UGT1A10: variants seen among roughly 807,000 people sequenced by gnomAD.
UGT1A10 encodes the protein UDP-glucuronosyltransferase 1A10.
A neutral mutation model predicts 45.8 loss-of-function variants in UGT1A10; 49 were observed. That is an observed-to-expected ratio of 1.07 (90% CI 0.85 to 1.36). The LOEUF (loss-of-function observed/expected upper bound fraction) is 1.36, where lower values mean the gene tolerates loss of function less well. UGT1A10 is among the 40% of genes most tolerant of loss of function. The pLI is 0.00. For missense variants in UGT1A10, 745 were observed against 668.6 expected, an observed-to-expected ratio of 1.11 and a Z score of -1.26; for synonymous variants, 284 against 249.7, an observed-to-expected ratio of 1.14 and a Z score of -1.29.
intron 1 of UGT1A10, chr2:233,722,095 C>CCTG: frequency 9.6e-6 from 2 of 207,736 alleles, no homozygotes; most frequent in South Asian, 8.3e-5. Context: ...CACCTTAGGC[C>CCTG]TCTTAGAGGA....
At position 233,679,633 on chromosome 2, in the gene UGT1A10, C is replaced by G. The variant is rs145588632; in HGVS notation, c.855+42256C>G. On this transcript the variant is annotated intron_variant, in intron 1 of 4. Coordinates refer to ENST00000344644, the MANE Select transcript of UGT1A10 (RefSeq NM_019075.4). Reference sequence around the variant, plus strand: ...CCTGTTCAGGCAGATATCCTTTGTCCTCAATGCTTTTCTTCATGGCATCTG... The same window carrying G: ...CCTGTTCAGGCAGATATCCTTTGTCGTCAATGCTTTTCTTCATGGCATCTG... Among the ~76,000 whole-genome samples, 3 of 152,182 alleles carry G rather than the reference C, an allele frequency of 2.0e-5. No individual in the cohort carries two copies. In the East Asian group the frequency reaches 5.8e-4, roughly 29 times the overall value.
At chr2:233,637,668 G>GT (rs2073335722) in intron 1 of UGT1A10, among the ~76,000 whole-genome samples, 1 of 152,012 alleles carries the variant, frequency 6.6e-6, no homozygotes, top group African/African-American at 2.4e-5. Context: ...TGAAACTTCC[G>GT]TTTTTTGTTA....
At chr2:233,691,686 GC>G in intron 1 of UGT1A10, 1 of 955,316 alleles carries the variant, frequency 1.0e-6, no homozygotes, top group Non-Finnish European at 1.2e-6. Context: ...GAAACCTGAA[GC>G]TCAGGAGAGG....
chr2:233,770,570 A>G (rs1700111359), intron 4 of UGT1A10: 2 of 152,086 alleles, frequency 1.3e-5, no homozygotes. Context: ...AGGCAGGAAA[A>G]TCACTTGAAC....
chr2:233,735,495 A>G (rs1383216559), intron 1 of UGT1A10, among the ~76,000 whole-genome samples: 1 of 152,188 alleles, frequency 6.6e-6, no homozygotes, highest in Non-Finnish European at 1.5e-5. Context: ...TAATTGCAGC[A>G]TTTAGCCCAT....
chr2:233,659,392 A>G (rs1213856587), intron 1 of UGT1A10, among the ~76,000 whole-genome samples: 3 of 152,232 alleles, frequency 2.0e-5, no homozygotes, highest in Admixed American at 2.0e-4. Flanking sequence ...TTTATGTGTT[A>G]TATACTGTAT....
intron 1 of UGT1A10, chr2:233,721,797 A>G (rs7597496): frequency 0.51 from 260,053 of 511,456 alleles, 70,587 homozygotes; most frequent in African/African-American, 0.82. Context: ...TTTAAAGCAC[A>G]TGCAGCAAAA....
intron 1 of UGT1A10, among the ~76,000 whole-genome samples, chr2:233,711,052 G>T (rs1263121953): frequency 6.6e-6 from 1 of 152,152 alleles, no homozygotes; most frequent in African/African-American, 2.4e-5. Flanking sequence ...GACACCCATG[G>T]CTTCAATCAC....
intron 1 of UGT1A10, among the ~76,000 whole-genome samples, chr2:233,696,821 G>A (rs2075360354): frequency 6.6e-6 from 1 of 152,138 alleles, no homozygotes; most frequent in Admixed American, 6.5e-5. Flanking sequence ...TTTATTGAGA[G>A]TGTGTATCAT....
At chr2:233,687,583 T>TAAAAAAAAAAAAAAAAAAAA in intron 1 of UGT1A10, among the ~76,000 whole-genome samples, 1 of 107,472 alleles carries the variant, frequency 9.3e-6, no homozygotes, top group Non-Finnish European at 1.9e-5. Context: ...ACATTCTTTG[T>TAAAAAAAAAAAAAAAAAAAA]AAAAAAAAAA....
intron 1 of UGT1A10, chr2:233,692,753 T>C: frequency 8.8e-7 from 1 of 1,135,016 alleles, no homozygotes; most frequent in African/African-American, 1.6e-5. Flanking sequence ...AGCAGACTTG[T>C]GGAGCTGAAG....
intron 1 of UGT1A10, among the ~76,000 whole-genome samples, chr2:233,644,771 CT>C (rs967230937): frequency 5.4e-4 from 81 of 149,748 alleles, no homozygotes; most frequent in African/African-American, 1.1e-3. Context: ...AGATGCAGAA[CT>C]TTTTTTTTTC....
intron 1 of UGT1A10, among the ~76,000 whole-genome samples, chr2:233,687,869 C>T (rs17863781): frequency 6.6e-6 from 1 of 152,188 alleles, no homozygotes; most frequent in African/African-American, 2.4e-5. Context: ...GACTATTCCA[C>T]TCCACTCCAG....
intron 1 of UGT1A10, among the ~76,000 whole-genome samples, chr2:233,699,850 C>G (rs1217397789): frequency 6.6e-6 from 1 of 152,144 alleles, no homozygotes; most frequent in Non-Finnish European, 1.5e-5. Context: ...TCCCCTAGGA[C>G]AGATATGTCT....
chr2:233,682,749 T>C (rs372834137), intron 1 of UGT1A10: 136 of 1,613,808 alleles, frequency 8.4e-5, no homozygotes, highest in Non-Finnish European at 1.1e-4. Flanking sequence ...AATATGATCT[T>C]CATTGGTGGT....
intron 1 of UGT1A10, chr2:233,691,573 TG>T: frequency 1.0e-6 from 1 of 985,626 alleles, no homozygotes; most frequent in Non-Finnish European, 1.2e-6. Flanking sequence ...CACCTCTCAC[TG>T]GGACAGCCTA....
At position 233,636,914 on chromosome 2, in the gene UGT1A10, G is replaced by A. The variant is rs777228086; in HGVS notation, c.392G>A (p.Arg131Gln). 1.2e-6 allele frequency: 2 copies of A among 1,614,086 alleles called. No individual in the cohort carries two copies. The highest frequency in any genetic ancestry group is 2.2e-5 in the East Asian group (1 of 44,884). The change falls in exon 1 of 5, where the codon CGA (arginine) becomes CAA (glutamine). Residue 131 changes from arginine to glutamine, a missense_variant. By Grantham distance (43) the Arg-to-Gln change is conservative. Transcript: ENST00000344644. Reference protein sequence around the residue: ...FSHCRSLFNDRKLVEYLKESS... With the variant: ...FSHCRSLFNDQKLVEYLKESS... ...CATTGCAGGAGTTTGTTTAATGACC[G>A]AAAATTAGTAGAATACTTAAAGGAG...
intron 1 of UGT1A10, chr2:233,754,336 T>A: frequency 4.0e-6 from 1 of 251,592 alleles, no homozygotes; most frequent in Non-Finnish European, 7.8e-6. Context: ...TTAAGTTTAA[T>A]AAATAGCAAA....
intron 1 of UGT1A10, among the ~76,000 whole-genome samples, chr2:233,697,486 T>G (rs1423880870): frequency 6.6e-6 from 1 of 151,808 alleles, no homozygotes; most frequent in Non-Finnish European, 1.5e-5. Context: ...GCTCAAGGTT[T>G]GCCAATTTTG....
Sources: allele counts gnomAD v4.1 joint callset (sites outside exome capture counted in the v4.1 genomes callset), GRCh38; gene constraint gnomAD v4.1.1; transcripts MANE v1.5; gene names NCBI Gene and HGNC (gene_info 2026-07-23, HGNC 2026-07-21).